The following CFAP299 variants were observed in gnomAD, a reference collection of about 807,000 sequenced individuals.
The protein encoded by CFAP299 is cilia and flagella associated protein 299, also known as cilia- and flagella-associated protein 299.
A neutral mutation model predicts 27.0 loss-of-function variants in CFAP299; 21 were observed. That is an observed-to-expected ratio of 0.78 (90% CI 0.55 to 1.12). CFAP299 has a LOEUF of 1.12. Among genes scored for constraint, CFAP299 ranks in the 50% most tolerant of loss-of-function variants. CFAP299 has a pLI of 0.00. For synonymous variants in CFAP299, 104 were observed against 98.1 expected (o/e 1.06, Z -0.36); for missense variants, 310 against 276.6 (o/e 1.12, Z -0.86).
intron 3 of CFAP299, among the ~76,000 whole-genome samples, chr4:80,619,923 C>T (rs1738487535): frequency 6.6e-6 from 1 of 151,946 alleles, no homozygotes; most frequent in South Asian, 2.1e-4. Context: ...AAATAATCTT[C>T]AAAATTATCA....
chr4:80,535,086 T>TGC lies in CFAP299; in HGVS notation c.243-48006_243-48005dup, dbSNP rs573301785. On this transcript the variant is annotated intron_variant, in intron 2 of 5. Transcript: ENST00000358105. ...CGGAGTTTAGCAATTTGTGTGTGTG[T>TGC]GCCTATTCCATTAAGAAGAATCATC... 7.8e-4 allele frequency among the ~76,000 whole-genome samples: 119 copies of TGC among 152,238 alleles called. 1 individual carries two copies. Among genetic ancestry groups the TGC allele is most frequent in the African/African-American group, 2.8e-3 (116 of 41,542 alleles).
At chr4:80,656,789 A>G (rs941241613) in intron 3 of CFAP299, among the ~76,000 whole-genome samples, 1 of 152,196 alleles carries the variant, frequency 6.6e-6, no homozygotes, top group African/African-American at 2.4e-5. Context: ...TAGATCCTTG[A>G]GGAATCACCA....
chr4:80,719,672 T>C (rs569805971), intron 3 of CFAP299, among the ~76,000 whole-genome samples: 2 of 152,216 alleles, frequency 1.3e-5, no homozygotes, highest in African/African-American at 2.4e-5. Flanking sequence ...CACTCGGCTA[T>C]GTGGTTTTGT....
chr4:80,356,350 A>T (rs1386131558), intron 1 of CFAP299, among the ~76,000 whole-genome samples: 3 of 152,146 alleles, frequency 2.0e-5, no homozygotes, highest in Non-Finnish European at 2.9e-5. Context: ...ATTTTAAAAT[A>T]GTTTCTTTTA....
At chr4:80,459,136 C>T (rs1397234400) in intron 2 of CFAP299, among the ~76,000 whole-genome samples, 2 of 152,002 alleles carry the variant, frequency 1.3e-5, no homozygotes, top group Non-Finnish European at 2.9e-5. Context: ...GCATTATCAC[C>T]GTGCCCTGGC....
intron 3 of CFAP299, among the ~76,000 whole-genome samples, chr4:80,807,431 C>A (rs184881618): frequency 2.5e-4 from 38 of 152,102 alleles, no homozygotes; most frequent in African/African-American, 7.5e-4. Context: ...ATACCAAACA[C>A]GTTTTAGATT....
intron 2 of CFAP299, among the ~76,000 whole-genome samples, chr4:80,412,273 CTT>C (rs11446475): frequency 2.0e-5 from 3 of 146,610 alleles, no homozygotes; most frequent in African/African-American, 2.5e-5. Context: ...ACATATAGTC[CTT>C]TTTTTTTTTT....
intron 2 of CFAP299, among the ~76,000 whole-genome samples, chr4:80,560,309 G>C: frequency 6.6e-6 from 1 of 151,926 alleles, no homozygotes; most frequent in Non-Finnish European, 1.5e-5. Context: ...TACCAGCAGT[G>C]ATACCCAGGT....
At chr4:80,677,637 G>A (rs1023998578) in intron 3 of CFAP299, among the ~76,000 whole-genome samples, 10 of 151,636 alleles carry the variant, frequency 6.6e-5, no homozygotes, top group South Asian at 6.2e-4. Flanking sequence ...TGGCATTGAC[G>A]GAAAAAATAA....
chr4:80,788,525 A>G (rs1229596106), intron 3 of CFAP299, among the ~76,000 whole-genome samples: 2 of 151,998 alleles, frequency 1.3e-5, no homozygotes, highest in African/African-American at 2.4e-5. Flanking sequence ...ATATATGTGT[A>G]TAGACATATA....
chr4:80,834,093 TGGAGGAGG>T (rs959003759), intron 3 of CFAP299, among the ~76,000 whole-genome samples: 1 of 152,200 alleles, frequency 6.6e-6, no homozygotes, highest in African/African-American at 2.4e-5. Flanking sequence ...TAGTGTTCAG[TGGAGGAGG>T]GGATGTGTTT....
chr4:80,757,658 G>A (rs546712562), intron 3 of CFAP299, among the ~76,000 whole-genome samples: 22 of 151,292 alleles, frequency 1.5e-4, no homozygotes, highest in African/African-American at 4.1e-4. Flanking sequence ...ACATTATTTC[G>A]TTGTGAAACA....
the CFAP299 span, among the ~76,000 whole-genome samples, chr4:80,322,971 A>G: frequency 1.3e-5 from 2 of 152,210 alleles, no homozygotes; most frequent in African/African-American, 4.8e-5. Flanking sequence ...GTTGAGCTAA[A>G]TGTATTACTC....
intron 5 of CFAP299, among the ~76,000 whole-genome samples, chr4:80,953,549 T>A (rs1213050074): frequency 6.6e-6 from 1 of 152,180 alleles, no homozygotes; most frequent in Non-Finnish European, 1.5e-5. Flanking sequence ...GCTTGGCTTT[T>A]ATGAATTAAA....
At chr4:80,847,567 C>T (rs182264869) in intron 3 of CFAP299, among the ~76,000 whole-genome samples, 1 of 152,288 alleles carries the variant, frequency 6.6e-6, no homozygotes, top group Admixed American at 6.5e-5. Context: ...CAAATGTTGC[C>T]ATTGTTTCAA....
At chr4:80,354,279 C>T (rs1288530395) in intron 1 of CFAP299, among the ~76,000 whole-genome samples, 1 of 152,170 alleles carries the variant, frequency 6.6e-6, no homozygotes, top group African/African-American at 2.4e-5. Flanking sequence ...TGTACAATAT[C>T]TGTCCTTACA....
chr4:80,570,450 G>A (rs1338608260), intron 2 of CFAP299, among the ~76,000 whole-genome samples: 1 of 151,928 alleles, frequency 6.6e-6, no homozygotes, highest in Non-Finnish European at 1.5e-5. Context: ...CAATAATAAA[G>A]TGGACAAAAA....
At chr4:80,816,359 C>A (rs1037185163) in intron 3 of CFAP299, among the ~76,000 whole-genome samples, 3 of 152,042 alleles carry the variant, frequency 2.0e-5, no homozygotes, top group Non-Finnish European at 4.4e-5. Flanking sequence ...ATTAGTGTTT[C>A]TTCAGCAGTA....
At chr4:80,725,660 G>C (rs1443848850) in intron 3 of CFAP299, among the ~76,000 whole-genome samples, 1 of 152,184 alleles carries the variant, frequency 6.6e-6, no homozygotes, top group East Asian at 1.9e-4. Context: ...GGTATAAAAA[G>C]GGTGCAGGTA....
Sources: allele counts gnomAD v4.1 joint callset (sites outside exome capture counted in the v4.1 genomes callset), GRCh38; gene constraint gnomAD v4.1.1; transcripts MANE v1.5; gene names NCBI Gene and HGNC (gene_info 2026-07-23, HGNC 2026-07-21).